The following DOCK1 variants were observed in gnomAD, a reference collection of about 807,000 sequenced individuals.
The protein encoded by DOCK1 is dedicator of cytokinesis 1.
DOCK1 carries 138 observed loss-of-function variants against 262.7 expected under a neutral mutation model. The ratio of observed to expected loss-of-function variants is 0.53; its 90% CI spans 0.46 to 0.61. The LOEUF is 0.61. Among genes scored for constraint, DOCK1 ranks in the 20% least tolerant of loss-of-function variants. The probability of loss-of-function intolerance (pLI) is 0.00; values close to 1 mark genes in which losing one functional copy is unlikely to be tolerated. For synonymous variants in DOCK1, 866 were observed against 867.4 expected, an observed-to-expected ratio of 1.00 and a Z score of 0.03; for missense variants, 1,908 against 2,370.7, an observed-to-expected ratio of 0.80 and a Z score of 4.05.
At chr10:126,988,130 C>T (rs1030327527) in intron 5 of DOCK1, 1 of 151,856 alleles carries the variant, frequency 6.6e-6, no homozygotes, top group African/African-American at 2.4e-5. Context: ...ATTCTAGCTT[C>T]GTGTGCAATT....
intron 18 of DOCK1, among the ~76,000 whole-genome samples, chr10:127,033,047 A>G (rs1302215702): frequency 6.6e-6 from 1 of 152,176 alleles, no homozygotes; most frequent in African/African-American, 2.4e-5. Flanking sequence ...TCTGGGTCTT[A>G]TCTTCCTTGT....
At chr10:127,317,960 A>G (rs1467450978) in intron 29 of DOCK1, among the ~76,000 whole-genome samples, 3 of 152,222 alleles carry the variant, frequency 2.0e-5, no homozygotes, top group Non-Finnish European at 4.4e-5. Context: ...TAGGGGAGTC[A>G]TCAGGCCATT....
chr10:127,209,270 A>C (rs1365384862), intron 27 of DOCK1, among the ~76,000 whole-genome samples: 2 of 152,180 alleles, frequency 1.3e-5, no homozygotes, highest in Non-Finnish European at 2.9e-5. Flanking sequence ...TTGCTTTTGG[A>C]GTTTAAGAAT....
intron 1 of DOCK1, among the ~76,000 whole-genome samples, chr10:126,923,391 A>G (rs529258550): frequency 6.6e-6 from 1 of 152,252 alleles, no homozygotes; most frequent in Admixed American, 6.5e-5. Context: ...TGGGAGGCCG[A>G]GGTGGATGGA....
intron 29 of DOCK1, among the ~76,000 whole-genome samples, chr10:127,331,384 C>T (rs1160286170): frequency 6.6e-6 from 1 of 152,134 alleles, no homozygotes; most frequent in Non-Finnish European, 1.5e-5. Context: ...CAGGTTCAAG[C>T]GATTCTCCTG....
chr10:127,442,086 G>A (rs1337063938), intron 49 of DOCK1, among the ~76,000 whole-genome samples: 2 of 152,160 alleles, frequency 1.3e-5, no homozygotes, highest in Non-Finnish European at 2.9e-5. Context: ...TTCTTCAGAG[G>A]AGGTGCAGCT....
intron 27 of DOCK1, among the ~76,000 whole-genome samples, chr10:127,201,455 C>G (rs2057455030): frequency 6.6e-6 from 1 of 152,090 alleles, no homozygotes; most frequent in Admixed American, 6.5e-5. Context: ...GGTTTATTGG[C>G]CTGAAATACA....
In DOCK1 at chr10:127,404,524, G is replaced by C. The variant is rs775741114; in HGVS notation, c.4122+95G>C. 3.8e-5 allele frequency: 46 copies of C among 1,203,394 alleles called. 4 individuals are homozygous for C. The Middle Eastern group carries it at 5.8e-3, about 151-fold the overall frequency. 74.5% of individuals were successfully genotyped at this position (1,203,394 alleles called of 1,614,324 possible). On this transcript the variant is annotated intron_variant, in intron 40 of 51. Coordinates refer to ENST00000623213, the MANE Select transcript of DOCK1 (RefSeq NM_001290223.2). ...GGAAGGGTGGGGAGTTTGCATCCGC[G>C]TGGGATCGTGCAACTCTCTACACTG...
At chr10:127,041,825 T>C (rs929610469) in intron 19 of DOCK1, among the ~76,000 whole-genome samples, 1 of 152,182 alleles carries the variant, frequency 6.6e-6, no homozygotes, top group African/African-American at 2.4e-5. Flanking sequence ...AGATCAGTAC[T>C]TCATCATGTT....
chr10:126,905,573 G>T lies in DOCK1; in HGVS notation c.46+10G>T. ...GAGAAGTACGGCGTGGGTGAGCAGC[G>T]CCGCCGCCGCCGCGCCTCTCGCCCC... is the stretch of plus-strand genomic sequence containing the variant. On this transcript the variant is annotated intron_variant, in intron 1 of 51. Coordinates refer to ENST00000623213, the MANE Select transcript of DOCK1 (RefSeq NM_001290223.2). The T allele has an allele frequency of 2.7e-6, 1 of 367,092 alleles. No individual in the cohort carries two copies. The allele number at this position is 367,092 out of a possible 1,614,324, so 22.7% of individuals were successfully genotyped here.
At chr10:127,376,697 T>C (rs1174528324) in intron 35 of DOCK1, among the ~76,000 whole-genome samples, 1 of 152,260 alleles carries the variant, frequency 6.6e-6, no homozygotes, top group African/African-American at 2.4e-5. Context: ...GTGTTCCTTC[T>C]AATCCTTAAG....
chr10:127,159,881 C>T (rs2053437752), intron 27 of DOCK1, among the ~76,000 whole-genome samples: 1 of 152,136 alleles, frequency 6.6e-6, no homozygotes, highest in Non-Finnish European at 1.5e-5. Flanking sequence ...CTCCGAGGAG[C>T]AGGGCACGGG....
At chr10:127,397,519 G>A (rs1413551110) in intron 38 of DOCK1, among the ~76,000 whole-genome samples, 1 of 149,992 alleles carries the variant, frequency 6.7e-6, no homozygotes, top group Admixed American at 6.6e-5. Flanking sequence ...CTGAGCATGA[G>A]TTACACGGGC....
chr10:126,932,861 G>T (rs2034287919), intron 1 of DOCK1, among the ~76,000 whole-genome samples: 1 of 152,132 alleles, frequency 6.6e-6, no homozygotes, highest in African/African-American at 2.4e-5. Context: ...GGTGCCCAGA[G>T]TTCAGATCAG....
intron 1 of DOCK1, among the ~76,000 whole-genome samples, chr10:126,940,565 G>A (rs1278637692): frequency 5.9e-5 from 9 of 151,956 alleles, no homozygotes; most frequent in Admixed American, 1.3e-4. Context: ...CACCATGCCC[G>A]GCTAATTTTT....
intron 27 of DOCK1, among the ~76,000 whole-genome samples, chr10:127,206,635 C>A (rs191439918): frequency 3.3e-5 from 5 of 152,274 alleles, no homozygotes; most frequent in Admixed American, 3.3e-4. Context: ...TCCTGGATGG[C>A]ATTTATTCAG....
chr10:127,335,973 C>CCCAAAGT (rs2135705627), intron 29 of DOCK1, among the ~76,000 whole-genome samples: 1 of 152,198 alleles, frequency 6.6e-6, no homozygotes, highest in Non-Finnish European at 1.5e-5. Context: ...GCCTTGGCCT[C>CCCAAAGT]CCAAAGTGCT....
intron 29 of DOCK1, among the ~76,000 whole-genome samples, chr10:127,319,422 T>C (rs181563284): frequency 6.6e-6 from 1 of 152,342 alleles, no homozygotes; most frequent in East Asian, 1.9e-4. Flanking sequence ...TTAACTTGCA[T>C]GTGTTCGGCG....
At chr10:127,153,955 C>T (rs34225417) in intron 27 of DOCK1, 393,541 of 1,569,612 alleles carry the variant, frequency 0.25, 52,897 homozygotes, top group South Asian at 0.31. Context: ...GCATTACAAG[C>T]GGTGGCTGGG....
Sources: allele counts gnomAD v4.1 joint callset (sites outside exome capture counted in the v4.1 genomes callset), GRCh38; gene constraint gnomAD v4.1.1; transcripts MANE v1.5; gene names NCBI Gene and HGNC (gene_info 2026-07-23, HGNC 2026-07-21).